The following TEAD1 variants were observed in gnomAD, a reference collection of about 807,000 sequenced individuals.
The protein encoded by TEAD1 is TEA domain transcription factor 1.
Under a neutral mutation model 54.9 loss-of-function variants are expected in TEAD1, and 9 were observed. That is an observed-to-expected ratio of 0.16 (90% confidence interval 0.10 to 0.29). The LOEUF is 0.29. TEAD1 is among the 10% of genes least tolerant of loss of function. TEAD1 has a pLI of 1.00. For missense variants in TEAD1, 387 were observed against 535.9 expected (o/e 0.72, Z 2.74); for synonymous variants, 200 against 187.8 (o/e 1.07, Z -0.53).
intron 2 of TEAD1, among the ~76,000 whole-genome samples, chr11:12,706,565 CAG>C (rs1257775995): frequency 2.0e-5 from 3 of 152,202 alleles, no homozygotes; most frequent in East Asian, 1.9e-4. Context: ...TTTCCTCTGA[CAG>C]AGGGTGATTT....
chr11:12,930,547 C>A (rs1948994048), intron 12 of TEAD1, among the ~76,000 whole-genome samples: 1 of 152,156 alleles, frequency 6.6e-6, no homozygotes, highest in African/African-American at 2.4e-5. Context: ...GCTGGGGTTT[C>A]TAAGGTTCGC....
At chr11:12,744,852 G>A (rs535802655) in intron 2 of TEAD1, among the ~76,000 whole-genome samples, 15 of 152,248 alleles carry the variant, frequency 9.9e-5, no homozygotes, top group Middle Eastern at 3.4e-3. Flanking sequence ...CAGCCTCCTC[G>A]CGTTGAGGCA....
intron 3 of TEAD1, among the ~76,000 whole-genome samples, chr11:12,785,971 A>G (rs768038683): frequency 2.0e-5 from 3 of 152,200 alleles, no homozygotes; most frequent in Non-Finnish European, 4.4e-5. Flanking sequence ...CGAGAGCAGC[A>G]TCCTACTCTG....
chr11:12,818,964 G>C (rs112751169), intron 3 of TEAD1, among the ~76,000 whole-genome samples: 1 of 152,168 alleles, frequency 6.6e-6, no homozygotes, highest in African/African-American at 2.4e-5. Context: ...AATGTATCTG[G>C]AGCCTCAAAT....
At chr11:12,862,183 C>A in intron 3 of TEAD1, 67 bp from the exon 4 acceptor site, 1 of 1,338,236 alleles carries the variant, frequency 7.5e-7, no homozygotes, top group Non-Finnish European at 1.1e-6. Flanking sequence ...TTGTTTTTTG[C>A]TTTCAAGGGC....
chr11:12,879,576 C>T (rs1224187492), intron 5 of TEAD1, 132 bp from the exon 6 acceptor site: 3 of 1,046,532 alleles, frequency 2.9e-6, no homozygotes, highest in East Asian at 4.8e-5. Context: ...GTTATTTATC[C>T]ATGCATGTTT....
chr11:12,679,123 GGTA>G (rs752600625), intron 2 of TEAD1, among the ~76,000 whole-genome samples: 1 of 152,096 alleles, frequency 6.6e-6, no homozygotes, highest in African/African-American at 2.4e-5. Context: ...ATTGGATAAT[GGTA>G]GTAGTGGTGG....
intron 2 of TEAD1, among the ~76,000 whole-genome samples, chr11:12,731,892 T>C (rs188547850): frequency 1.3e-5 from 2 of 152,296 alleles, no homozygotes; most frequent in African/African-American, 4.8e-5. Context: ...AAACCATTTA[T>C]CTCTCTACAG....
chr11:12,885,392 C>A (rs896575559), intron 9 of TEAD1, among the ~76,000 whole-genome samples: 1 of 151,996 alleles, frequency 6.6e-6, no homozygotes, highest in Non-Finnish European at 1.5e-5. Flanking sequence ...CCCGCCACTA[C>A]GCCTGGCTAA....
At chr11:12,765,865 C>T (rs2133927936) in intron 3 of TEAD1, among the ~76,000 whole-genome samples, 1 of 152,230 alleles carries the variant, frequency 6.6e-6, no homozygotes, top group South Asian at 2.1e-4. Context: ...TTTCAGGGCC[C>T]TAGATTTTCT....
intron 3 of TEAD1, among the ~76,000 whole-genome samples, chr11:12,803,066 A>C (rs888385446): frequency 6.6e-6 from 1 of 152,086 alleles, no homozygotes; most frequent in Admixed American, 6.6e-5. Flanking sequence ...GATTCTGGGA[A>C]AACAGAAGTT....
intron 2 of TEAD1, among the ~76,000 whole-genome samples, chr11:12,681,779 C>CGTGTTCT (rs1311418958): frequency 1.3e-5 from 2 of 152,242 alleles, no homozygotes; most frequent in Non-Finnish European, 2.9e-5. Context: ...CCGCTGCCTG[C>CGTGTTCT]GTGTTCTCAC....
In TEAD1 at chr11:12,882,937, G is replaced by C. The variant is rs1023097606; in HGVS notation, c.575-64G>C. ...GGGTCATCTGTAGAGCCCTGTTCCAGTATTTGCCTGAGGCCCAAGGGGAGG... is the reference window on the plus strand; with the variant it reads ...GGGTCATCTGTAGAGCCCTGTTCCACTATTTGCCTGAGGCCCAAGGGGAGG... On this transcript the variant is annotated intron_variant, in intron 8 of 12. Coordinates refer to ENST00000527636, the MANE Select transcript of TEAD1 (RefSeq NM_021961.6). The C allele has an allele frequency of 6.2e-6, 10 of 1,613,582 alleles. No homozygotes were observed. The African/African-American group carries it at 8.0e-5, about 13-fold the overall frequency.
intron 9 of TEAD1, among the ~76,000 whole-genome samples, chr11:12,888,873 T>G (rs1021638440): frequency 6.6e-6 from 1 of 152,202 alleles, no homozygotes; most frequent in African/African-American, 2.4e-5. Flanking sequence ...ACGGTCCATT[T>G]GTAGCTGATG....
intron 2 of TEAD1, among the ~76,000 whole-genome samples, chr11:12,758,615 C>T (rs1945037653): frequency 6.6e-6 from 1 of 152,050 alleles, no homozygotes; most frequent in African/African-American, 2.4e-5. Context: ...GGGGTTTCAT[C>T]ACGTTAGCCA....
At chr11:12,804,378 CTT>C (rs1210666526) in intron 3 of TEAD1, among the ~76,000 whole-genome samples, 1 of 152,246 alleles carries the variant, frequency 6.6e-6, no homozygotes, top group Non-Finnish European at 1.5e-5. Context: ...AGCTTCGCTT[CTT>C]TCTCTGAAAA....
intron 3 of TEAD1, among the ~76,000 whole-genome samples, chr11:12,784,557 A>G (rs902567372): frequency 6.6e-6 from 1 of 152,186 alleles, no homozygotes; most frequent in African/African-American, 2.4e-5. Flanking sequence ...TGTCATATGA[A>G]ACCTTACAGA....
chr11:12,784,332 G>C (rs189658481), intron 3 of TEAD1, among the ~76,000 whole-genome samples: 21 of 152,186 alleles, frequency 1.4e-4, no homozygotes, highest in Admixed American at 7.8e-4. Flanking sequence ...CAGTGCTTTG[G>C]GGCACTTCAT....
intron 3 of TEAD1, among the ~76,000 whole-genome samples, chr11:12,768,090 A>G (rs1383623743): frequency 1.3e-5 from 2 of 152,208 alleles, no homozygotes; most frequent in Admixed American, 6.5e-5. Flanking sequence ...CCATAATCAA[A>G]TAGGGCAGGG....
Sources: allele counts gnomAD v4.1 joint callset (sites outside exome capture counted in the v4.1 genomes callset), GRCh38; gene constraint gnomAD v4.1.1; transcripts MANE v1.5; gene names NCBI Gene and HGNC (gene_info 2026-07-23, HGNC 2026-07-21).